The following ANTXR1 variants were observed in gnomAD, a reference collection of about 807,000 sequenced individuals.
The protein encoded by ANTXR1 is ANTXR cell adhesion molecule 1, also known as anthrax toxin receptor 1.
Under a neutral mutation model 78.1 loss-of-function variants are expected in ANTXR1, and 19 were observed. The ratio of observed to expected loss-of-function variants is 0.24; its 90% confidence interval spans 0.17 to 0.36. The LOEUF (loss-of-function observed/expected upper bound fraction) is 0.36, where lower values mean the gene tolerates loss of function less well. Among genes scored for constraint, ANTXR1 ranks in the 10% least tolerant of loss-of-function variants. ANTXR1 has a pLI of 1.00. For synonymous variants in ANTXR1, 273 were observed against 260.5 expected, an observed-to-expected ratio of 1.05 and a Z score of -0.46; for missense variants, 518 against 718.6, an observed-to-expected ratio of 0.72 and a Z score of 3.19.
At chr2:69,097,815 G>A (rs1239976612) in intron 9 of ANTXR1, among the ~76,000 whole-genome samples, 2 of 152,158 alleles carry the variant, frequency 1.3e-5, no homozygotes, top group South Asian at 4.1e-4. Context: ...ATTTTTAATA[G>A]CCAAAAACAA....
intron 17 of ANTXR1, among the ~76,000 whole-genome samples, chr2:69,215,238 C>A (rs1675147426): frequency 1.3e-5 from 2 of 152,210 alleles, no homozygotes; most frequent in Non-Finnish European, 2.9e-5. Context: ...CTGATGAAAT[C>A]TCTACTGGAA....
In ANTXR1 at chr2:69,200,102, A is replaced by G. The variant is rs529194310; in HGVS notation, c.1434+6687A>G. On this transcript the variant is annotated intron_variant, in intron 17 of 17. Coordinates refer to ENST00000303714, the MANE Select transcript of ANTXR1 (RefSeq NM_032208.3). ...TCACTTTTACTCCAAATCGAACTCC[A>G]TCCCACTTCACGTGCTCCCAGAGAA... Among the ~76,000 whole-genome samples, 52 of 152,240 alleles carry G rather than the reference A, an allele frequency of 3.4e-4. No individual in the cohort carries two copies. In the South Asian group the frequency reaches 0.011, roughly 32 times the overall value.
chr2:69,227,959 G>A (rs535780614), intron 17 of ANTXR1, among the ~76,000 whole-genome samples: 155 of 152,338 alleles, frequency 1.0e-3, no homozygotes, highest in African/African-American at 3.4e-3. Context: ...AGTCATTGCT[G>A]GCTGGTCATG....
At chr2:69,129,878 G>A (rs1290921480) in intron 12 of ANTXR1, among the ~76,000 whole-genome samples, 1 of 152,188 alleles carries the variant, frequency 6.6e-6, no homozygotes, top group South Asian at 2.1e-4. Flanking sequence ...GCTTCATGGA[G>A]AGATAACACC....
intron 10 of ANTXR1, among the ~76,000 whole-genome samples, chr2:69,110,838 G>A (rs1467901726): frequency 1.3e-5 from 2 of 152,110 alleles, no homozygotes; most frequent in Non-Finnish European, 2.9e-5. Context: ...TTCCAGCCCG[G>A]GCGACAGAGC....
rs569030848 is a variant in ANTXR1, at chr2:69,174,486, ATGG to A, written c.1089+4201_1089+4203del. On this transcript the variant is annotated intron_variant, in intron 14 of 17. Transcript: ENST00000303714. The stretch of plus-strand genomic sequence containing the variant: ...TAAAAATACAAAAAATTACCCGGGC[ATGG>A]TGGCACATTCCTGTAATCCTAGCTG... Among the ~76,000 whole-genome samples the A allele has an allele frequency of 7.3e-3, 1,105 of 152,274 alleles. 19 individuals are homozygous for A. The highest frequency in any genetic ancestry group is 0.025 in the African/African-American group (1,051 of 41,548).
chr2:69,183,530 T>C (rs1007064319), intron 16 of ANTXR1, among the ~76,000 whole-genome samples: 2 of 151,410 alleles, frequency 1.3e-5, no homozygotes, highest in Non-Finnish European at 2.9e-5. Flanking sequence ...AACCCCCAAG[T>C]AGCTGGGACT....
intron 3 of ANTXR1, among the ~76,000 whole-genome samples, chr2:69,069,903 T>C (rs1311173800): frequency 6.6e-6 from 1 of 152,216 alleles, no homozygotes; most frequent in Non-Finnish European, 1.5e-5. Context: ...GAATAAGGTA[T>C]GTGAGTCAGA....
intron 12 of ANTXR1, among the ~76,000 whole-genome samples, chr2:69,144,011 A>G (rs897192257): frequency 6.6e-6 from 1 of 152,228 alleles, no homozygotes; most frequent in African/African-American, 2.4e-5. Flanking sequence ...AGGCTTGCCC[A>G]TCTAGAACTG....
intron 12 of ANTXR1, chr2:69,146,376 A>T: frequency 1.0e-6 from 1 of 983,914 alleles, no homozygotes; most frequent in Non-Finnish European, 1.2e-6. Flanking sequence ...CTTTATTTCC[A>T]TTTTTTTTAA....
chr2:69,072,930 T>C (rs1451737094), intron 5 of ANTXR1, 92 bp from the exon 6 acceptor site: 17 of 1,280,050 alleles, frequency 1.3e-5, no homozygotes, highest in Non-Finnish European at 1.9e-5. Flanking sequence ...CTTTGGGTGG[T>C]TGAACTCGTA....
At chr2:69,197,377 GA>G (rs1674690515) in intron 17 of ANTXR1, among the ~76,000 whole-genome samples, 3 of 152,156 alleles carry the variant, frequency 2.0e-5, no homozygotes, top group African/African-American at 2.4e-5. Context: ...TCCTTAGCTT[GA>G]TTTAGAAAGG....
chr2:69,037,416 T>C (rs557101076), intron 1 of ANTXR1, among the ~76,000 whole-genome samples: 10 of 152,290 alleles, frequency 6.6e-5, no homozygotes, highest in South Asian at 4.1e-4. Context: ...CATAAGGTAG[T>C]GAGTCCTGTC....
chr2:69,055,903 G>T (rs1483155951), intron 3 of ANTXR1, among the ~76,000 whole-genome samples: 1 of 151,784 alleles, frequency 6.6e-6, no homozygotes, highest in African/African-American at 2.4e-5. Context: ...ACCACCATGT[G>T]CATGTAATTG....
At chr2:69,184,742 A>G (rs546961923) in intron 16 of ANTXR1, among the ~76,000 whole-genome samples, 1 of 152,294 alleles carries the variant, frequency 6.6e-6, no homozygotes, top group East Asian at 1.9e-4. Flanking sequence ...ACCCACTTGG[A>G]ATTAGTATCA....
intron 12 of ANTXR1, among the ~76,000 whole-genome samples, chr2:69,129,047 A>G (rs1311150674): frequency 6.6e-6 from 1 of 152,222 alleles, no homozygotes; most frequent in African/African-American, 2.4e-5. Context: ...AAACATTCCT[A>G]TACAAATGGT....
rs536568736 is a variant in ANTXR1, at chr2:69,039,854, A to G, written c.153-190A>G. Among the ~76,000 whole-genome samples, 3 of 152,278 alleles carry G rather than the reference A, an allele frequency of 2.0e-5. No homozygotes were observed. The South Asian group carries it at 6.2e-4, about 32-fold the overall frequency. ...TGCGAGATTGGGGGAGTTCTTTTAC[A>G]ACATCTTAAAGAACCCTAACAGAAA... On this transcript the variant is annotated intron_variant, in intron 1 of 17. Coordinates refer to ENST00000303714, the MANE Select transcript of ANTXR1 (RefSeq NM_032208.3).
chr2:69,132,485 G>A (rs1180538149), intron 12 of ANTXR1, among the ~76,000 whole-genome samples: 1 of 152,258 alleles, frequency 6.6e-6, no homozygotes, highest in Non-Finnish European at 1.5e-5. Context: ...CAGCTGGCAT[G>A]GCTGCCCTTG....
chr2:69,056,775 G>A (rs979442718), intron 3 of ANTXR1, among the ~76,000 whole-genome samples: 2 of 152,158 alleles, frequency 1.3e-5, no homozygotes. Flanking sequence ...CTGGGTTCAA[G>A]CAATTCTCAT....
Sources: allele counts gnomAD v4.1 joint callset (sites outside exome capture counted in the v4.1 genomes callset), GRCh38; gene constraint gnomAD v4.1.1; transcripts MANE v1.5; gene names NCBI Gene and HGNC (gene_info 2026-07-23, HGNC 2026-07-21).